The following CAMKMT variants were observed in gnomAD, a reference collection of about 807,000 sequenced individuals.
The protein encoded by CAMKMT is calmodulin-lysine N-methyltransferase, also known as CaM KMT.
Under a neutral mutation model 48.0 loss-of-function variants are expected in CAMKMT, and 53 were observed. That is an observed-to-expected ratio of 1.10 (90% CI 0.89 to 1.39). CAMKMT has a LOEUF of 1.39. CAMKMT is among the 40% of genes most tolerant of loss of function. The pLI, the probability that CAMKMT is intolerant of heterozygous loss-of-function variation, is 0.00. For missense variants in CAMKMT, 428 were observed against 402.7 expected (o/e 1.06, Z -0.54); for synonymous variants, 165 against 152.3 (o/e 1.08, Z -0.61).
intron 3 of CAMKMT, among the ~76,000 whole-genome samples, chr2:44,413,635 G>A (rs566912798): frequency 1.9e-4 from 28 of 150,382 alleles, no homozygotes; most frequent in African/African-American, 6.1e-4. Flanking sequence ...CAGGGTGACA[G>A]AGTGAGACTC....
chr2:44,471,785 A>G (rs1668432619), intron 3 of CAMKMT, among the ~76,000 whole-genome samples: 1 of 151,834 alleles, frequency 6.6e-6, no homozygotes, highest in Non-Finnish European at 1.5e-5. Context: ...GGTTCAAGTA[A>G]TTCTTGTGCC....
intron 3 of CAMKMT, among the ~76,000 whole-genome samples, chr2:44,475,161 A>G (rs947874473): frequency 1.3e-5 from 2 of 152,310 alleles, no homozygotes; most frequent in Admixed American, 6.5e-5. Flanking sequence ...AATAAATTTT[A>G]TTAATATCTG....
At chr2:44,593,475 T>G (rs1023431641) in intron 3 of CAMKMT, among the ~76,000 whole-genome samples, 3 of 152,150 alleles carry the variant, frequency 2.0e-5, no homozygotes, top group Middle Eastern at 3.2e-3. Flanking sequence ...TTCCAGACTT[T>G]CAACTCTGGT....
intron 3 of CAMKMT, among the ~76,000 whole-genome samples, chr2:44,546,752 A>G (rs763026373): frequency 6.6e-6 from 1 of 152,194 alleles, no homozygotes; most frequent in Non-Finnish European, 1.5e-5. Context: ...TCAGTTTATG[A>G]TATCTGTGAC....
intron 3 of CAMKMT, among the ~76,000 whole-genome samples, chr2:44,430,876 A>G (rs1430553777): frequency 1.3e-5 from 2 of 152,234 alleles, no homozygotes; most frequent in Non-Finnish European, 2.9e-5. Context: ...AAAAGATAGG[A>G]AGTTGTAATG....
intron 3 of CAMKMT, among the ~76,000 whole-genome samples, chr2:44,482,368 A>C (rs899448821): frequency 2.6e-5 from 4 of 152,142 alleles, no homozygotes; most frequent in Non-Finnish European, 4.4e-5. Context: ...ATTACTTCCA[A>C]AAATTCTTCA....
At chr2:44,563,112 T>G (rs1228952629) in intron 3 of CAMKMT, among the ~76,000 whole-genome samples, 3 of 146,478 alleles carry the variant, frequency 2.0e-5, no homozygotes, top group South Asian at 2.2e-4. Context: ...AAATTAAAAC[T>G]TACAAGGTTT....
In CAMKMT at chr2:44,455,939, T is replaced by C. The variant is rs995704755; in HGVS notation, c.376+65634T>C. ...AAGGAAAGTCTAAATGAGAATTCAA[T>C]TCCATTTGGTTAATATTTATCATTC... On this transcript the variant is annotated intron_variant, in intron 3 of 10. Coordinates refer to ENST00000378494, the MANE Select transcript of CAMKMT (RefSeq NM_024766.5). Among the ~76,000 whole-genome samples the C allele has an allele frequency of 1.4e-4, 21 of 152,186 alleles. No individual in the cohort carries two copies. The South Asian group carries it at 1.7e-3, about 12-fold the overall frequency.
chr2:44,417,944 G>A (rs967153238), intron 3 of CAMKMT, among the ~76,000 whole-genome samples: 1 of 152,152 alleles, frequency 6.6e-6, no homozygotes, highest in African/African-American at 2.4e-5. Flanking sequence ...TGTAATCCCA[G>A]CACTTTGGGA....
chr2:44,709,258 GT>G (rs1228151848), intron 6 of CAMKMT, among the ~76,000 whole-genome samples: 1 of 152,164 alleles, frequency 6.6e-6, no homozygotes, highest in African/African-American at 2.4e-5. Context: ...ATTGTGCTGG[GT>G]TTTACAATGG....
At chr2:44,603,616 C>T (rs2103866824) in intron 3 of CAMKMT, among the ~76,000 whole-genome samples, 1 of 152,296 alleles carries the variant, frequency 6.6e-6, no homozygotes, top group Non-Finnish European at 1.5e-5. Flanking sequence ...CAATAATAGT[C>T]ATCTGGCCAT....
intron 6 of CAMKMT, among the ~76,000 whole-genome samples, chr2:44,713,030 G>T (rs1326978055): frequency 2.0e-5 from 3 of 151,954 alleles, no homozygotes; most frequent in Non-Finnish European, 2.9e-5. Flanking sequence ...TTCCTGTCCA[G>T]TTCTAAAAAT....
intron 3 of CAMKMT, among the ~76,000 whole-genome samples, chr2:44,699,727 C>T (rs377418714): frequency 6.6e-5 from 10 of 152,290 alleles, no homozygotes; most frequent in African/African-American, 2.2e-4. Flanking sequence ...CCTCCTTCCT[C>T]GCCCTCCTGA....
intron 3 of CAMKMT, among the ~76,000 whole-genome samples, chr2:44,399,413 T>C (rs1682151790): frequency 6.6e-6 from 1 of 152,086 alleles, no homozygotes; most frequent in African/African-American, 2.4e-5. Context: ...CCACAAGTTC[T>C]CCTCTGCTTG....
chr2:44,563,235 C>T lies in CAMKMT; in HGVS notation c.377-141048C>T, dbSNP rs968663476. On this transcript the variant is annotated intron_variant, in intron 3 of 10. Coordinates refer to ENST00000378494, the MANE Select transcript of CAMKMT (RefSeq NM_024766.5). The stretch of plus-strand genomic sequence containing the variant: ...GATGTATTTCCCATAGGTGTATATA[C>T]AAATTTTTGTTTCTTTCTTAAAAAA... Among the ~76,000 whole-genome samples the T allele has an allele frequency of 5.9e-5, 9 of 151,580 alleles. No homozygotes were observed. The South Asian group carries it at 8.4e-4, about 14-fold the overall frequency.
At chr2:44,719,058 A>G (rs1678324873) in intron 7 of CAMKMT, among the ~76,000 whole-genome samples, 2 of 152,050 alleles carry the variant, frequency 1.3e-5, no homozygotes, top group African/African-American at 4.8e-5. Flanking sequence ...CCAGTGGTTG[A>G]TTTTCCTGGG....
At chr2:44,689,063 A>G (rs767587232) in intron 3 of CAMKMT, among the ~76,000 whole-genome samples, 25 of 152,212 alleles carry the variant, frequency 1.6e-4, no homozygotes, top group Non-Finnish European at 3.1e-4. Flanking sequence ...AATCAAATTC[A>G]TGAATCACAG....
intron 3 of CAMKMT, among the ~76,000 whole-genome samples, chr2:44,672,484 C>G (rs1351569897): frequency 2.6e-5 from 4 of 152,070 alleles, no homozygotes; most frequent in African/African-American, 9.7e-5. Flanking sequence ...AGAACAAGAC[C>G]ATTTGTACCC....
intron 3 of CAMKMT, among the ~76,000 whole-genome samples, chr2:44,487,525 A>G (rs913284161): frequency 6.6e-6 from 1 of 152,204 alleles, no homozygotes; most frequent in Non-Finnish European, 1.5e-5. Context: ...AAGTTTTGAC[A>G]TTGGATTCAT....
Sources: gnomAD v4.1 joint callset for allele counts (sites outside exome capture counted in the v4.1 genomes callset) on GRCh38, gnomAD v4.1.1 for gene constraint, MANE v1.5 for transcripts, NCBI Gene and HGNC (gene_info 2026-07-23, HGNC 2026-07-21) for gene names.